The following MAF variants were observed in gnomAD, a reference collection of about 807,000 sequenced individuals.
MAF encodes the protein MAF bZIP transcription factor.
MAF carries 10 observed loss-of-function variants against 22.0 expected under a neutral mutation model. The ratio of observed to expected loss-of-function variants is 0.45; its 90% CI spans 0.28 to 0.77. The LOEUF is 0.77. MAF is among the 30% of genes least tolerant of loss of function. The pLI is 0.12. For missense variants in MAF, 544 were observed against 548.4 expected (o/e 0.99, Z 0.08); for synonymous variants, 337 against 255.8 (o/e 1.32, Z -3.03).
At chr16:79,228,685 C>A in the MAF span, among the ~76,000 whole-genome samples, 3 of 151,946 alleles carry the variant, frequency 2.0e-5, no homozygotes, top group African/African-American at 4.8e-5. Context: ...AGCTCTCTGC[C>A]TATATTTGTT....
the MAF span, among the ~76,000 whole-genome samples, chr16:79,317,066 C>G: frequency 6.6e-6 from 1 of 152,148 alleles, no homozygotes; most frequent in African/African-American, 2.4e-5. Context: ...CACTTCAGCC[C>G]TGGATTTTTT....
At chr16:79,483,030 C>G in the MAF span, among the ~76,000 whole-genome samples, 16 of 21,812 alleles carry the variant, frequency 7.3e-4, no homozygotes, top group African/African-American at 3.6e-3. Context: ...CTTCCCTCCC[C>G]TCCCTCCCTC....
the MAF span, among the ~76,000 whole-genome samples, chr16:79,402,343 G>C: frequency 6.6e-6 from 1 of 152,202 alleles, no homozygotes; most frequent in South Asian, 2.1e-4. Context: ...GAGAGAAAGC[G>C]AGCAGGAGAC....
At chr16:79,213,767 G>A in the MAF span, among the ~76,000 whole-genome samples, 11 of 150,096 alleles carry the variant, frequency 7.3e-5, no homozygotes, top group African/African-American at 2.2e-4. Flanking sequence ...AGAAGAAACT[G>A]CACATTTCAC....
At chr16:79,246,144 C>A in the MAF span, among the ~76,000 whole-genome samples, 1 of 151,976 alleles carries the variant, frequency 6.6e-6, no homozygotes, top group South Asian at 2.1e-4. Context: ...CACCATGGCA[C>A]GTGTATACCT....
the MAF span, among the ~76,000 whole-genome samples, chr16:79,533,177 A>G: frequency 9.9e-5 from 15 of 152,260 alleles, no homozygotes; most frequent in African/African-American, 2.9e-4. Flanking sequence ...GAAATTATTT[A>G]TCTATGCCTT....
At chr16:79,228,766 G>A in the MAF span, among the ~76,000 whole-genome samples, 10 of 152,000 alleles carry the variant, frequency 6.6e-5, no homozygotes, top group African/African-American at 1.4e-4. Context: ...TGCTCAGGAA[G>A]ACGAATATAA....
chr16:79,355,996 C>T, the MAF span, among the ~76,000 whole-genome samples: 1 of 152,144 alleles, frequency 6.6e-6, no homozygotes, highest in African/African-American at 2.4e-5. Context: ...TCTCCTTTCT[C>T]CTCCCCGGAG....
chr16:79,583,895 G>A (rs1427355460), downstream of MAF, among the ~76,000 whole-genome samples: 1 of 152,196 alleles, frequency 6.6e-6, no homozygotes, highest in Non-Finnish European at 1.5e-5. Flanking sequence ...TAATCTTCAT[G>A]TTAGAAGCCC....
At chr16:79,389,657 T>C in the MAF span, among the ~76,000 whole-genome samples, 9 of 152,234 alleles carry the variant, frequency 5.9e-5, no homozygotes, top group South Asian at 1.7e-3. Context: ...GCCCTTCCCA[T>C]ACTTGTCTGT....
chr16:79,339,707 A>G, the MAF span, among the ~76,000 whole-genome samples: 4 of 152,340 alleles, frequency 2.6e-5, no homozygotes, highest in African/African-American at 9.6e-5. Context: ...AACACCATAG[A>G]AAGGGAGAAT....
chr16:79,531,077 G>C, the MAF span, among the ~76,000 whole-genome samples: 1 of 152,194 alleles, frequency 6.6e-6, no homozygotes, highest in Non-Finnish European at 1.5e-5. Flanking sequence ...TATTTGAAAG[G>C]TCAATGGTGT....
chr16:79,544,138 A>G, the MAF span, among the ~76,000 whole-genome samples: 1 of 152,060 alleles, frequency 6.6e-6, no homozygotes, highest in East Asian at 1.9e-4. Context: ...CGTGGGGGGG[A>G]AAGTTTGCAC....
At chr16:79,326,418 G>A in the MAF span, among the ~76,000 whole-genome samples, 1 of 152,106 alleles carries the variant, frequency 6.6e-6, no homozygotes, top group African/African-American at 2.4e-5. Context: ...CCAAATTGCA[G>A]CATTTAAAAA....
the MAF span, among the ~76,000 whole-genome samples, chr16:79,225,832 C>A: frequency 6.6e-6 from 1 of 152,138 alleles, no homozygotes; most frequent in African/African-American, 2.4e-5. Context: ...CAATGAGATA[C>A]CATCTCACAC....
chr16:79,448,561 G>A, the MAF span, among the ~76,000 whole-genome samples: 7 of 152,050 alleles, frequency 4.6e-5, no homozygotes, highest in East Asian at 1.4e-3. Flanking sequence ...GAGGAGCTGG[G>A]ATTACAGGTG....
the MAF span, among the ~76,000 whole-genome samples, chr16:79,477,743 G>T: frequency 4.7e-3 from 705 of 150,872 alleles, 5 homozygotes; most frequent in South Asian, 0.014. Context: ...ATTTTTTTTT[G>T]ATATGGAGTC....
chr16:79,239,286 T>C, the MAF span, among the ~76,000 whole-genome samples: 5 of 152,084 alleles, frequency 3.3e-5, no homozygotes, highest in African/African-American at 9.7e-5. Flanking sequence ...TGTCTGTCAC[T>C]CTTAAGTAGT....
the MAF span, chr16:79,212,364 G>C: frequency 5.3e-5 from 30 of 563,060 alleles, no homozygotes; most frequent in Non-Finnish European, 9.1e-5. Flanking sequence ...CCCAGAGGGA[G>C]TAGAATACGC....
Sources: gnomAD v4.1 joint callset for allele counts (sites outside exome capture counted in the v4.1 genomes callset) on GRCh38, gnomAD v4.1.1 for gene constraint, MANE v1.5 for transcripts, NCBI Gene and HGNC (gene_info 2026-07-23, HGNC 2026-07-21) for gene names.